The following ANLN variants were observed in gnomAD, a reference collection of about 807,000 sequenced individuals.
ANLN encodes anillin.
Under a neutral mutation model 135.1 loss-of-function variants are expected in ANLN, and 59 were observed. That is an observed-to-expected ratio of 0.44 (90% CI 0.35 to 0.54). The LOEUF (loss-of-function observed/expected upper bound fraction) is 0.54, where lower values mean the gene tolerates loss of function less well. ANLN is among the 20% of genes least tolerant of loss of function. ANLN has a pLI of 0.00. For synonymous variants in ANLN, 406 were observed against 456.4 expected, an observed-to-expected ratio of 0.89 and a Z score of 1.41; for missense variants, 1,182 against 1,340.0, an observed-to-expected ratio of 0.88 and a Z score of 1.84.
At position 36,399,383 on chromosome 7, in the gene ANLN, T is replaced by C. The variant is rs1786844891; in HGVS notation, c.477T>C (p.Asp159=). ...AGCAACGGCGCCGTTGGGATAATGA[T>C]GATATGACAGGTATGAATTGTATAG... ...LAEQRRRWDN[D]DMTDDIPESS... The change falls in exon 3 of 24, where the codon GAT becomes GAC. Residue 159 remains aspartate, a synonymous_variant. Transcript: ENST00000265748. 1 of 1,608,282 alleles carries C rather than the reference T, an allele frequency of 6.2e-7. No homozygotes were observed. The highest frequency in any genetic ancestry group is 8.5e-7 in the Non-Finnish European group (1 of 1,176,974).
At position 36,426,001 on chromosome 7, in the gene ANLN, T is replaced by C; in HGVS notation, c.2749-14T>C. On this transcript the variant is annotated splice_polypyrimidine_tract_variant and intron_variant, in intron 18 of 23. Coordinates refer to ENST00000265748, the MANE Select transcript of ANLN (RefSeq NM_018685.5). ...ACTTATGTTTCTTCTTCACACCTTT[T>C]TTTTTTTTTTTAGAAAAGCAACATT... is the stretch of plus-strand genomic sequence containing the variant. The C allele has an allele frequency of 6.7e-7, 1 of 1,484,902 alleles. No individual in the cohort carries two copies. The allele number at this position is 1,484,902 out of a possible 1,614,324, so 92.0% of individuals were successfully genotyped here.
chr7:36,413,070 C>T (rs1035404499), intron 7 of ANLN, among the ~76,000 whole-genome samples: 1 of 152,086 alleles, frequency 6.6e-6, no homozygotes, highest in African/African-American at 2.4e-5. Flanking sequence ...TCTTCTCCAC[C>T]TCTGTGTCCT....
intron 3 of ANLN, among the ~76,000 whole-genome samples, chr7:36,403,916 C>T (rs1324603490): frequency 6.6e-6 from 1 of 152,174 alleles, no homozygotes; most frequent in African/African-American, 2.4e-5. Context: ...CCGCCTTGGC[C>T]TCCCAAAGTG....
chr7:36,415,322 T>C (rs1252296697), intron 7 of ANLN, among the ~76,000 whole-genome samples: 1 of 152,194 alleles, frequency 6.6e-6, no homozygotes, highest in Non-Finnish European at 1.5e-5. Context: ...TGTCACCAGA[T>C]GTTATAGGTG....
intron 6 of ANLN, 134 bp downstream of exon 6, chr7:36,410,838 C>A: frequency 1.0e-6 from 1 of 989,156 alleles, no homozygotes; most frequent in Non-Finnish European, 1.5e-6. Context: ...TAATTTCAGA[C>A]AAGATTGGGC....
intron 23 of ANLN, among the ~76,000 whole-genome samples, 175 bp downstream of exon 23, chr7:36,450,012 G>A (rs954101715): frequency 2.6e-5 from 4 of 152,188 alleles, no homozygotes; most frequent in African/African-American, 7.2e-5. Context: ...CTAAATTAAT[G>A]TAGTTAAGGA....
At chr7:36,416,994 GA>G (rs3837109) in intron 8 of ANLN, 85 bp from the exon 9 acceptor site, 143 of 583,530 alleles carry the variant, frequency 2.5e-4, no homozygotes, top group South Asian at 3.4e-4. Context: ...TTTATAATCA[GA>G]AAAAAAAAAC....
chr7:36,448,953 G>A (rs997644331), intron 22 of ANLN: 1 of 152,216 alleles, frequency 6.6e-6, no homozygotes, highest in African/African-American at 2.4e-5. Flanking sequence ...CACCAGTGAT[G>A]CATAAGAAAC....
Position 36,452,492 on chromosome 7 carries a change from A to G in ANLN, c.3267A>G (p.Ala1089=), listed in dbSNP as rs544329756. The G allele has an allele frequency of 9.1e-5, 147 of 1,614,042 alleles. 2 individuals carry two copies. In the South Asian group the frequency reaches 1.6e-3, roughly 18 times the overall value. ...GTTCCTGTAGGAACTGGCTGTCTGC[A>G]GATACTAAAGAAGAGCGGGATCTCT... ...TLCVTKNWLS[A]DTKEERDLWM... Residue 1089 remains alanine (A), a synonymous_variant, in exon 24 of 24, where the codon GCA becomes GCG. Transcript: ENST00000265748.
Position 36,423,904 on chromosome 7 carries a change from T to A in ANLN, c.2564T>A (p.Leu855His). Residue 855 changes from leucine to histidine, a missense_variant, in exon 15 of 24, where the codon CTT becomes CAT. By Grantham distance (99) the Leu-to-His change is moderately conservative. Transcript: ENST00000265748. ...CCATTAGCAAGTACTTCAAACTCTC[T>A]TAACGGTGATGCTCTGACATTCACT... is the stretch of plus-strand genomic sequence containing the variant. ...ATPLASTSNS[L>H]NGDALTFTTT... 6.2e-7 allele frequency: 1 copy of A among 1,612,742 alleles called. No homozygotes were observed. Among genetic ancestry groups the A allele is most frequent in the Non-Finnish European group, 8.5e-7 (1 of 1,179,260 alleles).
intron 3 of ANLN, among the ~76,000 whole-genome samples, chr7:36,402,773 C>A (rs1299378913): frequency 6.6e-6 from 1 of 152,196 alleles, no homozygotes; most frequent in Admixed American, 6.5e-5. Context: ...TCTCCATTCT[C>A]TGAAGCCAGT....
Position 36,410,590 on chromosome 7 carries a change from T to C in ANLN, c.1173T>C (p.Arg391=), listed in dbSNP as rs1158919409. The C allele has an allele frequency of 6.2e-7, 1 of 1,613,954 alleles. No homozygotes were observed. The highest frequency in any genetic ancestry group is 1.3e-5 in the African/African-American group (1 of 74,898). The stretch of plus-strand genomic sequence containing the variant: ...AACATAGCAAAGAAAGTCCAGCTCG[T>C]AGCACACCCCACAGAACCCCCATTA... ...CQEHSKESPA[R]STPHRTPIIT... Residue 391 remains arginine, a synonymous_variant, in exon 6 of 24, where the codon CGT becomes CGC. Coordinates refer to ENST00000265748, the MANE Select transcript of ANLN (RefSeq NM_018685.5).
intron 2 of ANLN, among the ~76,000 whole-genome samples, chr7:36,398,766 C>A (rs1445419898): frequency 6.6e-6 from 1 of 150,976 alleles, no homozygotes. Flanking sequence ...CCTCGCCCCC[C>A]TTCCGCTCTT....
rs375402054 is a variant in ANLN, at chr7:36,402,301, C to T, written c.487+2908C>T. Among the ~76,000 whole-genome samples, 14 of 54,962 alleles carry T rather than the reference C, an allele frequency of 2.5e-4. 1 individual carries two copies. Among genetic ancestry groups the T allele is most frequent in the South Asian group, 6.7e-4 (2 of 2,978 alleles). The allele number at this position is 54,962 out of a possible 152,430, so 36.1% of individuals were successfully genotyped here. On this transcript the variant is annotated intron_variant, in intron 3 of 23. Coordinates refer to ENST00000265748, the MANE Select transcript of ANLN (RefSeq NM_018685.5). ...TAATTTTTTGTATTTTTAGTAGAGA[C>T]AAGATTTCACCATGTTGGCCAGGCT...
At chr7:36,405,514 T>G (rs966806557) in intron 3 of ANLN, among the ~76,000 whole-genome samples, 1 of 152,174 alleles carries the variant, frequency 6.6e-6, no homozygotes, top group African/African-American at 2.4e-5. Context: ...GAGTAGGAAG[T>G]GCTATGAACC....
At chr7:36,399,967 C>T (rs1159169560) in intron 3 of ANLN, among the ~76,000 whole-genome samples, 1 of 151,450 alleles carries the variant, frequency 6.6e-6, no homozygotes, top group Non-Finnish European at 1.5e-5. Flanking sequence ...ATCAATTTCA[C>T]TTATCGCCTG....
At chr7:36,425,573 C>T (rs966565435) in intron 17 of ANLN, 129 bp from the exon 18 acceptor site, 52 of 624,060 alleles carry the variant, frequency 8.3e-5, no homozygotes, top group African/African-American at 4.1e-4. Flanking sequence ...GGATTACAGG[C>T]GTGAGCCACT....
chr7:36,407,779 A>G lies in ANLN; in HGVS notation c.919A>G (p.Lys307Glu). ...ATCTACTACATCTATCACTGATGCTAAAAGTTGTGAGGGACAAAATCCTGA... is the reference window on the plus strand; with the variant it reads ...ATCTACTACATCTATCACTGATGCTGAAAGTTGTGAGGGACAAAATCCTGA... The part of the protein sequence containing the change: ...VKSTTSITDA[K>E]SCEGQNPELL... Residue 307 changes from lysine (K) to glutamate (E), a missense_variant, in exon 5 of 24, where the codon AAA becomes GAA. Lys to Glu is a moderately conservative substitution (Grantham distance 56). Coordinates refer to ENST00000265748, the MANE Select transcript of ANLN (RefSeq NM_018685.5). 1 of 1,613,776 alleles carries G rather than the reference A, an allele frequency of 6.2e-7. No individual in the cohort carries two copies. The highest frequency in any genetic ancestry group is 2.2e-5 in the East Asian group (1 of 44,832).
chr7:36,414,029 GAA>G (rs376348400), intron 7 of ANLN, among the ~76,000 whole-genome samples: 7 of 152,096 alleles, frequency 4.6e-5, no homozygotes, highest in African/African-American at 1.7e-4. Context: ...AGGGAAGAAA[GAA>G]AACTTTCGAG....
Sources: allele counts gnomAD v4.1 joint callset (sites outside exome capture counted in the v4.1 genomes callset), GRCh38; gene constraint gnomAD v4.1.1; transcripts MANE v1.5; gene names NCBI Gene and HGNC (gene_info 2026-07-23, HGNC 2026-07-21).